The following OPCML variants were observed in gnomAD, a reference collection of about 807,000 sequenced individuals.
OPCML encodes the protein opioid binding protein/cell adhesion molecule like, also known as opioid-binding protein/cell adhesion molecule.
Under a neutral mutation model 37.8 loss-of-function variants are expected in OPCML, and 13 were observed. The ratio of observed to expected loss-of-function variants is 0.34; its 90% CI spans 0.22 to 0.55. The LOEUF is 0.55. Among genes scored for constraint, OPCML ranks in the 20% least tolerant of loss-of-function variants. The probability of loss-of-function intolerance (pLI) is 0.91; values close to 1 mark genes in which losing one functional copy is unlikely to be tolerated. For missense variants in OPCML, 341 were observed against 435.6 expected (o/e 0.78, Z 1.93); for synonymous variants, 176 against 168.8 (o/e 1.04, Z -0.33).
chr11:132,889,531 C>A (rs2725433), intron 2 of OPCML, among the ~76,000 whole-genome samples: 105,035 of 152,152 alleles, frequency 0.69, 36,864 homozygotes, highest in African/African-American at 0.81. Flanking sequence ...CTGAAAGGTC[C>A]AAGTGATTGA....
At chr11:132,479,178 G>A (rs1306917604) in intron 4 of OPCML, among the ~76,000 whole-genome samples, 2 of 152,090 alleles carry the variant, frequency 1.3e-5, no homozygotes, top group Non-Finnish European at 2.9e-5. Flanking sequence ...GTGGGTGCAT[G>A]AGCCAAAAAA....
chr11:132,896,247 G>A (rs541286133), intron 2 of OPCML, among the ~76,000 whole-genome samples: 53 of 152,164 alleles, frequency 3.5e-4, no homozygotes, highest in African/African-American at 1.1e-3. Flanking sequence ...AACCCTACTC[G>A]GACACACCAG....
At chr11:132,688,231 C>T (rs1398065449) in intron 2 of OPCML, among the ~76,000 whole-genome samples, 1 of 152,024 alleles carries the variant, frequency 6.6e-6, no homozygotes, top group Non-Finnish European at 1.5e-5. Context: ...ACCCACATTC[C>T]CCTGTGTAGT....
chr11:133,239,209 C>G (rs936600990), intron 1 of OPCML, among the ~76,000 whole-genome samples: 7 of 152,246 alleles, frequency 4.6e-5, no homozygotes, highest in African/African-American at 1.7e-4. Context: ...AAGCTAGGCA[C>G]ACACCAAGTA....
intron 2 of OPCML, among the ~76,000 whole-genome samples, chr11:132,741,528 G>A (rs1238196074): frequency 6.6e-6 from 1 of 152,052 alleles, no homozygotes; most frequent in Admixed American, 6.6e-5. Flanking sequence ...GAATTGTTAT[G>A]AGAATTAAAT....
chr11:132,973,741 C>A (rs6590671), intron 1 of OPCML, among the ~76,000 whole-genome samples: 13,930 of 152,256 alleles, frequency 0.091, 1,359 homozygotes, highest in East Asian at 0.34. Context: ...CATACATCTA[C>A]TTTCCACAAT....
intron 2 of OPCML, among the ~76,000 whole-genome samples, chr11:132,756,342 G>A (rs1946042844): frequency 6.6e-6 from 1 of 152,192 alleles, no homozygotes; most frequent in Non-Finnish European, 1.5e-5. Flanking sequence ...GTGGAACTAA[G>A]AGATGGTATT....
intron 1 of OPCML, among the ~76,000 whole-genome samples, chr11:133,150,428 A>C (rs571793770): frequency 6.6e-6 from 1 of 152,278 alleles, no homozygotes; most frequent in East Asian, 1.9e-4. Flanking sequence ...TGGGGTTTCA[A>C]CCCAGGACTC....
At chr11:133,357,908 C>T (rs908869179) in intron 1 of OPCML, among the ~76,000 whole-genome samples, 7 of 152,116 alleles carry the variant, frequency 4.6e-5, no homozygotes, top group African/African-American at 1.4e-4. Context: ...TATGTTCTCT[C>T]CACTCTCCAC....
chr11:133,499,788 A>T (rs1565669654), intron 1 of OPCML, among the ~76,000 whole-genome samples: 1 of 142,152 alleles, frequency 7.0e-6, no homozygotes, highest in East Asian at 2.0e-4. Context: ...ATATATATAT[A>T]CACATATATA....
At chr11:133,406,896 T>C (rs1208787552) in intron 1 of OPCML, among the ~76,000 whole-genome samples, 1 of 152,212 alleles carries the variant, frequency 6.6e-6, no homozygotes, top group African/African-American at 2.4e-5. Flanking sequence ...GTGTGGAGGT[T>C]AATTTGCAAA....
chr11:133,185,875 G>T (rs1938047964), intron 1 of OPCML, among the ~76,000 whole-genome samples: 1 of 152,122 alleles, frequency 6.6e-6, no homozygotes, highest in African/African-American at 2.4e-5. Context: ...TCTGTGAAAA[G>T]CATGAGGTAT....
intron 1 of OPCML, among the ~76,000 whole-genome samples, chr11:133,337,034 C>G (rs1409562781): frequency 1.3e-5 from 2 of 152,202 alleles, no homozygotes; most frequent in African/African-American, 4.8e-5. Flanking sequence ...AATGGCCTCA[C>G]ACAGGCACAG....
intron 4 of OPCML, among the ~76,000 whole-genome samples, chr11:132,450,266 G>A (rs1174791351): frequency 1.3e-5 from 2 of 152,180 alleles, no homozygotes; most frequent in Non-Finnish European, 2.9e-5. Context: ...TGTTGCCTTA[G>A]GAAGCATGGA....
At chr11:132,422,593 G>A (rs985690865) in intron 7 of OPCML, among the ~76,000 whole-genome samples, 16 of 152,224 alleles carry the variant, frequency 1.1e-4, no homozygotes, top group African/African-American at 3.6e-4. Flanking sequence ...CACGTGGCAA[G>A]CACGATTCTA....
chr11:133,451,386 A>G (rs561965506), intron 1 of OPCML, among the ~76,000 whole-genome samples: 4 of 151,922 alleles, frequency 2.6e-5, no homozygotes, highest in South Asian at 2.1e-4. Flanking sequence ...GGCAGCCCCA[A>G]TGAGCATGAA....
chr11:132,459,410 CACATACATACATACAT>C (rs71477764), intron 4 of OPCML, among the ~76,000 whole-genome samples: 45 of 144,374 alleles, frequency 3.1e-4, no homozygotes, highest in East Asian at 1.2e-3. Context: ...TCTCTCTTCA[CACATACATACATACAT>C]ACATACATAC....
intron 1 of OPCML, chr11:133,420,284 T>C: frequency 1.0e-6 from 1 of 985,462 alleles, no homozygotes; most frequent in Non-Finnish European, 1.2e-6. Flanking sequence ...CTCCTGAACG[T>C]CTTTGGCACG....
At chr11:133,512,032 G>T (rs1054502204) in intron 1 of OPCML, among the ~76,000 whole-genome samples, 6 of 152,134 alleles carry the variant, frequency 3.9e-5, no homozygotes, top group Non-Finnish European at 7.4e-5. Flanking sequence ...TGGGGTTGGG[G>T]GTTCCTCGCA....
Sources: allele counts gnomAD v4.1 joint callset (sites outside exome capture counted in the v4.1 genomes callset), GRCh38; gene constraint gnomAD v4.1.1; transcripts MANE v1.5; gene names NCBI Gene and HGNC (gene_info 2026-07-23, HGNC 2026-07-21).